Variants in C12orf42 observed in about 807,000 individuals in gnomAD.
C12orf42 encodes chromosome 12 open reading frame 42.
Under a neutral mutation model 21.6 loss-of-function variants are expected in C12orf42, and 25 were observed. That is an observed-to-expected ratio of 1.16 (90% confidence interval 0.84 to 1.62). The LOEUF (loss-of-function observed/expected upper bound fraction) is 1.62. Among genes scored for constraint, C12orf42 ranks in the 40% most tolerant of loss-of-function variants. C12orf42 has a pLI of 0.00. For missense variants in C12orf42, 483 were observed against 459.3 expected, an observed-to-expected ratio of 1.05 and a Z score of -0.47; for synonymous variants, 174 against 175.0, an observed-to-expected ratio of 0.99 and a Z score of 0.05.
chr12:103,242,662 C>T (rs1037164491), intron 10 of C12orf42, among the ~76,000 whole-genome samples: 1 of 152,048 alleles, frequency 6.6e-6, no homozygotes, highest in Non-Finnish European at 1.5e-5. Flanking sequence ...AAGATATTGC[C>T]ACCCTAATAT....
the C12orf42 span, among the ~76,000 whole-genome samples, chr12:103,051,930 T>C: frequency 1.6e-4 from 24 of 152,236 alleles, no homozygotes; most frequent in Admixed American, 6.5e-4. Context: ...ATTTTGCCTA[T>C]TTCTAAACTT....
chr12:103,222,347 T>C, the C12orf42 span, among the ~76,000 whole-genome samples: 381 of 152,234 alleles, frequency 2.5e-3, 1 homozygote, highest in African/African-American at 8.5e-3. Flanking sequence ...GGGTGCTTTT[T>C]GAGCCAGGAT....
At chr12:103,107,406 G>A in the C12orf42 span, among the ~76,000 whole-genome samples, 7 of 151,892 alleles carry the variant, frequency 4.6e-5, no homozygotes, top group African/African-American at 9.6e-5. Context: ...CCAGAAAATC[G>A]AAATACACAT....
At chr12:103,420,691 G>C (rs536151364) in intron 2 of C12orf42, among the ~76,000 whole-genome samples, 2 of 151,882 alleles carry the variant, frequency 1.3e-5, no homozygotes, top group Non-Finnish European at 2.9e-5. Context: ...CACCACACCC[G>C]GTTGATTTTA....
chr12:103,423,988 C>T (rs1422246075), intron 2 of C12orf42, among the ~76,000 whole-genome samples: 1 of 152,130 alleles, frequency 6.6e-6, no homozygotes, highest in Admixed American at 6.5e-5. Flanking sequence ...ATGCATGATG[C>T]TATTTATTCT....
the C12orf42 span, among the ~76,000 whole-genome samples, chr12:103,533,188 T>C: frequency 0.064 from 9,700 of 152,314 alleles, 420 homozygotes; most frequent in Non-Finnish European, 0.093. Flanking sequence ...TTGCTATACT[T>C]ACCAAATACT....
the C12orf42 span, among the ~76,000 whole-genome samples, chr12:103,509,748 A>C: frequency 6.6e-6 from 1 of 152,214 alleles, no homozygotes; most frequent in Non-Finnish European, 1.5e-5. Flanking sequence ...AAGTAAAGAG[A>C]AAATCTGCTT....
At chr12:103,129,543 AC>A in the C12orf42 span, among the ~76,000 whole-genome samples, 22 of 152,048 alleles carry the variant, frequency 1.4e-4, no homozygotes, top group Non-Finnish European at 2.8e-4. Flanking sequence ...TACTTTAACA[AC>A]CCTTCTTACA....
At chr12:103,166,207 T>A in the C12orf42 span, among the ~76,000 whole-genome samples, 3 of 152,142 alleles carry the variant, frequency 2.0e-5, no homozygotes, top group African/African-American at 2.4e-5. Context: ...GTAATATGAA[T>A]GTCTCTGTGG....
chr12:103,294,292 G>A (rs1303618997), intron 4 of C12orf42, among the ~76,000 whole-genome samples: 1 of 150,928 alleles, frequency 6.6e-6, no homozygotes, highest in East Asian at 1.9e-4. Context: ...GATTCCCATA[G>A]AGGAGGGAAA....
Position 103,398,363 on chromosome 12 carries a change from T to C in C12orf42, c.147+3244A>G, listed in dbSNP as rs1049276151. 1.4e-4 allele frequency among the ~76,000 whole-genome samples: 22 copies of C among 152,336 alleles called. 1 individual carries two copies. Among genetic ancestry groups the C allele is most frequent in the African/African-American group, 4.3e-4 (18 of 41,584 alleles). On this transcript the variant is annotated intron_variant, in intron 3 of 5. Coordinates refer to ENST00000548883, the MANE Select transcript of C12orf42 (RefSeq NM_198521.5). The stretch of plus-strand genomic sequence containing the variant: ...ATCCTTTGCTCATTTTTCTACCCAG[T>C]TAACTATCTTTCTCTTACAAATTTG...
the C12orf42 span, among the ~76,000 whole-genome samples, chr12:103,508,292 A>G: frequency 6.6e-6 from 1 of 152,230 alleles, no homozygotes; most frequent in South Asian, 2.1e-4. Context: ...GCAAAATTTA[A>G]TAAATTGTGT....
chr12:103,515,336 C>T, the C12orf42 span, among the ~76,000 whole-genome samples: 1 of 152,160 alleles, frequency 6.6e-6, no homozygotes, highest in African/African-American at 2.4e-5. Context: ...TAAATCAAAG[C>T]AGGAGATCCT....
the C12orf42 span, among the ~76,000 whole-genome samples, chr12:103,123,943 A>G: frequency 6.6e-6 from 1 of 152,008 alleles, no homozygotes; most frequent in Non-Finnish European, 1.5e-5. Flanking sequence ...AAGCCATATA[A>G]CACTTCAAGG....
intron 4 of C12orf42, among the ~76,000 whole-genome samples, chr12:103,285,014 A>T (rs570027540): frequency 1.3e-5 from 2 of 152,306 alleles, no homozygotes; most frequent in South Asian, 4.1e-4. Flanking sequence ...CTTATCTAGG[A>T]TCAATGCTCA....
the C12orf42 span, among the ~76,000 whole-genome samples, chr12:103,195,858 C>T: frequency 1.3e-5 from 2 of 152,026 alleles, no homozygotes; most frequent in African/African-American, 4.8e-5. Flanking sequence ...GAAATCTTTG[C>T]CAGAGCCTAT....
At chr12:103,273,987 G>A (rs79112375) in intron 5 of C12orf42, 3 of 454,274 alleles carry the variant, frequency 6.6e-6, no homozygotes, top group Non-Finnish European at 1.3e-5. Context: ...CCCCCCAAGA[G>A]CACTCCTATT....
the C12orf42 span, among the ~76,000 whole-genome samples, chr12:103,560,653 A>T: frequency 6.6e-6 from 1 of 152,312 alleles, no homozygotes; most frequent in South Asian, 2.1e-4. Flanking sequence ...TATCTGTTTC[A>T]GTGGTCAGTC....
At chr12:103,234,236 TATATG>T (rs1486801452), downstream of C12orf42, among the ~76,000 whole-genome samples, 129 of 152,358 alleles carry the variant, frequency 8.5e-4, 1 homozygote, top group Non-Finnish European at 5.9e-5. Flanking sequence ...TTCTTTATGA[TATATG>T]ATATGGTCCA....
Sources: gnomAD v4.1 joint callset for allele counts (sites outside exome capture counted in the v4.1 genomes callset) on GRCh38, gnomAD v4.1.1 for gene constraint, MANE v1.5 for transcripts, NCBI Gene and HGNC (gene_info 2026-07-23, HGNC 2026-07-21) for gene names.